Variants in CHN2 observed in about 807,000 individuals in gnomAD.
The protein encoded by CHN2 is beta-chimaerin.
A neutral mutation model predicts 56.3 loss-of-function variants in CHN2; 35 were observed. The observed-to-expected ratio is 0.62, with a 90% CI of 0.47 to 0.82. The LOEUF is 0.82. Among genes scored for constraint, CHN2 ranks in the 40% least tolerant of loss-of-function variants. The probability of loss-of-function intolerance (pLI) is 0.00; values close to 1 mark genes in which losing one functional copy is unlikely to be tolerated. For synonymous variants in CHN2, 210 were observed against 212.8 expected (o/e 0.99, Z 0.12); for missense variants, 491 against 580.5 (o/e 0.85, Z 1.58).
intron 2 of CHN2, among the ~76,000 whole-genome samples, chr7:29,179,638 GTAAA>G (rs1381011558): frequency 6.6e-6 from 1 of 152,192 alleles, no homozygotes; most frequent in Non-Finnish European, 1.5e-5. Flanking sequence ...TCTGATATAT[GTAAA>G]TAAATATTCT....
At chr7:29,324,899 T>C (rs1795688948) in intron 1 of CHN2, among the ~76,000 whole-genome samples, 1 of 152,170 alleles carries the variant, frequency 6.6e-6, no homozygotes, top group Non-Finnish European at 1.5e-5. Flanking sequence ...GAACAAGAAA[T>C]ACTTTCCTAT....
intron 2 of CHN2, among the ~76,000 whole-genome samples, chr7:29,176,165 G>A (rs1433200795): frequency 2.7e-5 from 4 of 150,250 alleles, no homozygotes; most frequent in South Asian, 2.1e-4. Flanking sequence ...CAGCCTAGGC[G>A]ACAGAGCAAG....
intron 9 of CHN2, among the ~76,000 whole-genome samples, chr7:29,500,846 A>G (rs945010194): frequency 1.3e-5 from 2 of 152,236 alleles, no homozygotes; most frequent in African/African-American, 2.4e-5. Context: ...AAATAAAGGA[A>G]ACAAGGAAGA....
rs573271963 is a variant in CHN2 at position 29,410,139 on chromosome 7, G to A, written c.576+9311G>A. On this transcript the variant is annotated intron_variant, in intron 6 of 12. Transcript: ENST00000222792. ...GTTGTTGAATGTTTTTAATTTCATCGAGGCTTTTTAATCATGGGACTTTTA... is the reference window on the plus strand; with the variant it reads ...GTTGTTGAATGTTTTTAATTTCATCAAGGCTTTTTAATCATGGGACTTTTA... 2.0e-5 allele frequency among the ~76,000 whole-genome samples: 3 copies of A among 152,304 alleles called. No homozygotes were observed. The South Asian group carries it at 6.2e-4, about 32-fold the overall frequency.
Position 29,411,229 on chromosome 7 carries a change from G to A in CHN2, c.576+10401G>A, listed in dbSNP as rs199653027. ...CCGACTGGGTCTCATTCTCTTCTCCGTACAGAGGAAATACCAAGACTCAAA... is the reference window on the plus strand; with the variant it reads ...CCGACTGGGTCTCATTCTCTTCTCCATACAGAGGAAATACCAAGACTCAAA... On this transcript the variant is annotated intron_variant, in intron 6 of 12. Transcript: ENST00000222792. Among the ~76,000 whole-genome samples the A allele has an allele frequency of 3.0e-4, 45 of 152,234 alleles. 1 individual carries two copies. In the East Asian group the frequency reaches 6.2e-3, roughly 21 times the overall value.
At chr7:29,241,257 A>G (rs1043643184) in intron 1 of CHN2, among the ~76,000 whole-genome samples, 1 of 152,134 alleles carries the variant, frequency 6.6e-6, no homozygotes, top group Admixed American at 6.5e-5. Context: ...GCTCGCAGAC[A>G]ATTTGAATGG....
chr7:29,164,912 A>C (rs759078624), intron 2 of CHN2, among the ~76,000 whole-genome samples: 1 of 151,786 alleles, frequency 6.6e-6, no homozygotes, highest in Non-Finnish European at 1.5e-5. Flanking sequence ...TTGTATATCT[A>C]TCATTATGAT....
intron 2 of CHN2, among the ~76,000 whole-genome samples, chr7:29,179,808 G>C (rs933395380): frequency 6.6e-6 from 1 of 152,086 alleles, no homozygotes; most frequent in African/African-American, 2.4e-5. Flanking sequence ...AGGTTCATTT[G>C]TTTTCTTATG....
In CHN2 at chr7:29,209,396, A is replaced by G. The variant is rs562452755; in HGVS notation, c.49+14406A>G. 3.0e-4 allele frequency among the ~76,000 whole-genome samples: 45 copies of G among 152,344 alleles called. No homozygotes were observed. In the East Asian group the frequency reaches 8.1e-3, roughly 27 times the overall value. ...AAGCAATTAGTGCAACTATTCACTT[A>G]GTAATAATATCACTCCCTGAAAAAA... On this transcript the variant is annotated intron_variant, in intron 1 of 12. Transcript: ENST00000222792.
chr7:29,249,377 C>T (rs1004800723), intron 1 of CHN2, among the ~76,000 whole-genome samples: 1 of 152,216 alleles, frequency 6.6e-6, no homozygotes, highest in South Asian at 2.1e-4. Context: ...GACAGATGGA[C>T]ACATTCACCT....
intron 3 of CHN2, among the ~76,000 whole-genome samples, chr7:29,375,865 C>T (rs756126205): frequency 4.6e-5 from 7 of 152,168 alleles, no homozygotes; most frequent in Non-Finnish European, 8.8e-5. Flanking sequence ...GGTCAGGCCC[C>T]ACAAGTTTTG....
chr7:29,211,128 T>C (rs1480063285), intron 1 of CHN2, among the ~76,000 whole-genome samples: 2 of 151,798 alleles, frequency 1.3e-5, no homozygotes, highest in African/African-American at 2.4e-5. Flanking sequence ...TGGAGTGCAG[T>C]GGCGCGATCT....
intron 1 of CHN2, among the ~76,000 whole-genome samples, chr7:29,342,835 G>A (rs904020104): frequency 6.6e-6 from 1 of 152,196 alleles, no homozygotes; most frequent in African/African-American, 2.4e-5. Context: ...GCCAGGGGCC[G>A]GATACCCAGC....
chr7:29,364,865 G>T (rs1366610378), intron 2 of CHN2, among the ~76,000 whole-genome samples: 5 of 152,088 alleles, frequency 3.3e-5, no homozygotes, highest in African/African-American at 1.2e-4. Flanking sequence ...TTCCCTGAAG[G>T]TAAATGCTTT....
At chr7:29,148,283 C>T (rs188435571) in intron 2 of CHN2, among the ~76,000 whole-genome samples, 41 of 152,276 alleles carry the variant, frequency 2.7e-4, no homozygotes, top group Non-Finnish European at 5.3e-4. Flanking sequence ...CACGTGGAAC[C>T]ACTTAAAAAC....
chr7:29,323,881 GT>G (rs1795572895), intron 1 of CHN2, among the ~76,000 whole-genome samples: 1 of 152,124 alleles, frequency 6.6e-6, no homozygotes. Context: ...GCAGGCACCT[GT>G]GGTCCCAGCT....
rs75373743 is a variant in CHN2 at position 29,499,877 on chromosome 7, G to T, written c.750G>T (p.Leu250Phe). ...AQGVRCSDCG[L>F]NVHKQCSKHV... is the part of the protein sequence containing the mutation. Reference sequence around the variant, plus strand: ...CTTCTTTGTTTACAGACTGTGGATTGAACGTACACAAACAGTGTTCCAAGC... The same window carrying T: ...CTTCTTTGTTTACAGACTGTGGATTTAACGTACACAAACAGTGTTCCAAGC... The change falls in exon 9 of 13, where the codon TTG becomes TTT. Residue 250 changes from leucine to phenylalanine, a missense_variant. Coordinates refer to ENST00000222792, the MANE Select transcript of CHN2 (RefSeq NM_004067.4). 6.3e-7 allele frequency: 1 copy of T among 1,594,626 alleles called. No homozygotes were observed. Among genetic ancestry groups the T allele is most frequent in the South Asian group, 1.2e-5 (1 of 86,590 alleles).
intron 6 of CHN2, among the ~76,000 whole-genome samples, chr7:29,434,937 C>CA (rs1408287981): frequency 6.6e-6 from 1 of 151,792 alleles, no homozygotes; most frequent in Non-Finnish European, 1.5e-5. Context: ...ACAAGAAATA[C>CA]AAAAAATTAG....
intron 4 of CHN2, among the ~76,000 whole-genome samples, chr7:29,396,283 C>T (rs10253540): frequency 0.05 from 7,632 of 151,670 alleles, 252 homozygotes; most frequent in South Asian, 0.087. Context: ...CCCCACTCCC[C>T]GCATCTCTAC....
Sources: gnomAD v4.1 joint callset for allele counts (sites outside exome capture counted in the v4.1 genomes callset) on GRCh38, gnomAD v4.1.1 for gene constraint, MANE v1.5 for transcripts, NCBI Gene and HGNC (gene_info 2026-07-23, HGNC 2026-07-21) for gene names.